RNF126: variants seen among roughly 807,000 people sequenced by gnomAD.
The protein encoded by RNF126 is E3 ubiquitin-protein ligase RNF126.
RNF126 carries 20 observed loss-of-function variants against 41.9 expected under a neutral mutation model. That is an observed-to-expected ratio of 0.48 (90% CI 0.34 to 0.69). The LOEUF is 0.69. Among genes scored for constraint, RNF126 ranks in the 30% least tolerant of loss-of-function variants. The pLI, the probability that RNF126 is intolerant of heterozygous loss-of-function variation, is 0.01. For synonymous variants in RNF126, 239 were observed against 202.9 expected, an observed-to-expected ratio of 1.18 and a Z score of -1.51; for missense variants, 433 against 460.6, an observed-to-expected ratio of 0.94 and a Z score of 0.55.
At chr19:655,564 C>A (rs2030526536) in intron 1 of RNF126, among the ~76,000 whole-genome samples, 1 of 152,048 alleles carries the variant, frequency 6.6e-6, no homozygotes, top group Admixed American at 6.6e-5. Context: ...CGCAGCCGGC[C>A]AGCCCCAGCG....
chr19:654,268 T>C (rs74737028), intron 1 of RNF126, among the ~76,000 whole-genome samples: 2,484 of 152,108 alleles, frequency 0.016, 72 homozygotes, highest in African/African-American at 0.057. Flanking sequence ...ATCTACAATA[T>C]AGAAAAAGTG....
At chr19:650,488 G>A in intron 4 of RNF126, 192 bp from the exon 5 acceptor site, 1 of 526,096 alleles carries the variant, frequency 1.9e-6, no homozygotes, top group Non-Finnish European at 3.3e-6. Flanking sequence ...CTTGATCTTG[G>A]TTCACTGCAG....
intron 6 of RNF126, 31 bp downstream of exon 6, chr19:649,648 G>T: frequency 6.5e-7 from 1 of 1,539,258 alleles, no homozygotes; most frequent in Non-Finnish European, 8.8e-7. Flanking sequence ...CCCTCCCCCA[G>T]CAGGCACTCT....
At chr19:652,790 G>C (rs1190781712) in intron 2 of RNF126, 36 bp downstream of exon 2, 1 of 1,600,750 alleles carries the variant, frequency 6.2e-7, no homozygotes, top group Admixed American at 1.7e-5. Context: ...AGGCCCGGCT[G>C]GCTCTTCCAG....
chr19:661,235 T>A (rs2144779100), intron 1 of RNF126: 1 of 152,476 alleles, frequency 6.6e-6, no homozygotes, highest in South Asian at 2.1e-4. Flanking sequence ...TAGGAGCAGC[T>A]AAATGTGCAG....
chr19:658,093 G>A (rs1438337501), intron 1 of RNF126, among the ~76,000 whole-genome samples: 2 of 151,956 alleles, frequency 1.3e-5, no homozygotes, highest in Non-Finnish European at 1.5e-5. Context: ...TCACCTCTCC[G>A]TCAGAGAACA....
In RNF126 at chr19:648,313, C is replaced by T. The variant is rs200861655; in HGVS notation, c.787-36G>A. 50 of 1,116,838 alleles carry T rather than the reference C, an allele frequency of 4.5e-5. No individual in the cohort carries two copies. In the East Asian group the frequency reaches 2.3e-3, roughly 52 times the overall value. The allele number at this position is 1,116,838 out of a possible 1,614,324, so 69.2% of individuals were successfully genotyped here. A position where few individuals can be genotyped will look rare whatever the true frequency, so the allele number is the denominator to read the frequency against. On this transcript the variant is annotated intron_variant, in intron 8 of 8. Transcript: ENST00000292363. ...ACAGAGGCAGGGACGGGAGAAGGGG[C>T]AGGTTAGAGGCGGGAGGGCCGCGGT...
chr19:654,329 G>A (rs370024198), intron 1 of RNF126, among the ~76,000 whole-genome samples: 32 of 152,292 alleles, frequency 2.1e-4, no homozygotes, highest in Middle Eastern at 3.4e-3. Context: ...TTCAGCCCAC[G>A]CCCCACGAAT....
In RNF126 at chr19:655,014, G is replaced by A. The variant is rs3077449; in HGVS notation, c.76-2130C>T. On this transcript the variant is annotated intron_variant, in intron 1 of 8. Coordinates refer to ENST00000292363, the MANE Select transcript of RNF126 (RefSeq NM_194460.3). ...AACTCAAAAGAAAGAAAGAAAGAAAGAAAAAAAAGCCCAGGCCAGGTGCAG... is the reference window on the plus strand; with the variant it reads ...AACTCAAAAGAAAGAAAGAAAGAAAAAAAAAAAAGCCCAGGCCAGGTGCAG... Among the ~76,000 whole-genome samples the A allele has an allele frequency of 9.3e-4, 122 of 130,946 alleles. 3 individuals carry two copies. In the South Asian group the frequency reaches 0.014, roughly 15 times the overall value. 85.9% of individuals were successfully genotyped at this position (130,946 alleles called of 152,430 possible). A position where few individuals can be genotyped will look rare whatever the true frequency, so the allele number is the denominator to read the frequency against.
chr19:652,156 G>C, intron 3 of RNF126, 77 bp downstream of exon 3: 1 of 1,213,826 alleles, frequency 8.2e-7, no homozygotes, highest in Non-Finnish European at 1.1e-6. Context: ...CCGGGGAGGC[G>C]AGGTGGGGAC....
At chr19:657,336 C>T (rs531552550) in intron 1 of RNF126, among the ~76,000 whole-genome samples, 5 of 152,366 alleles carry the variant, frequency 3.3e-5, no homozygotes, top group East Asian at 3.9e-4. Flanking sequence ...GTCGGGCTCC[C>T]GGGTTCCCGT....
intron 8 of RNF126, 24 bp downstream of exon 8, chr19:648,348 G>GGGGCGGGT: frequency 8.6e-6 from 5 of 581,250 alleles, no homozygotes; most frequent in South Asian, 3.1e-5. Flanking sequence ...TCGGGGTGGG[G>GGGGCGGGT]GGGCGGGTGG....
Position 648,221 on chromosome 19 carries a change from G to T in RNF126, c.843C>A (p.Asn281Lys). ...KSLTGQNTAT[N>K]PPGLTGVSFS... ...AGCTCACCCCAGTGAGGCCAGGGGG[G>T]TTCGTGGCCGTGTTCTGTCCCGTGA... Residue 281 changes from asparagine to lysine, a missense_variant, in exon 9 of 9, where the codon AAC becomes AAA. Coordinates refer to ENST00000292363, the MANE Select transcript of RNF126 (RefSeq NM_194460.3). The T allele has an allele frequency of 6.2e-7, 1 of 1,600,444 alleles. No homozygotes were observed. Among genetic ancestry groups the T allele is most frequent in the Non-Finnish European group, 8.5e-7 (1 of 1,173,750 alleles).
chr19:648,802 C>T, intron 7 of RNF126, 80 bp downstream of exon 7: 2 of 857,744 alleles, frequency 2.3e-6, no homozygotes, highest in Non-Finnish European at 3.5e-6. Flanking sequence ...AACCCTGTCT[C>T]TACTGAAAAT....
chr19:653,845 C>T (rs1035282458), intron 1 of RNF126, among the ~76,000 whole-genome samples: 2 of 152,262 alleles, frequency 1.3e-5, no homozygotes, highest in Admixed American at 1.3e-4. Flanking sequence ...CGTGTCATCA[C>T]GCCAGGGGCT....
intron 1 of RNF126, among the ~76,000 whole-genome samples, chr19:658,833 C>A (rs932656087): frequency 2.6e-5 from 4 of 152,208 alleles, no homozygotes; most frequent in Non-Finnish European, 5.9e-5. Context: ...GGACTGGAAC[C>A]CCACAGGTGC....
intron 1 of RNF126, among the ~76,000 whole-genome samples, chr19:660,144 G>A (rs748329784): frequency 6.6e-6 from 1 of 152,330 alleles, no homozygotes; most frequent in Non-Finnish European, 1.5e-5. Flanking sequence ...GTGGCTCCCC[G>A]CTCAGGACAC....
chr19:662,958 C>T (rs1295023533), intron 1 of RNF126, 89 bp downstream of exon 1: 2 of 515,646 alleles, frequency 3.9e-6, no homozygotes, highest in African/African-American at 2.0e-5. Flanking sequence ...GCGCAAGAGG[C>T]GGGCGCAAGC....
chr19:662,094 G>A (rs1229146944), intron 1 of RNF126, among the ~76,000 whole-genome samples: 3 of 152,188 alleles, frequency 2.0e-5, no homozygotes, highest in Admixed American at 6.6e-5. Flanking sequence ...TGAGCCAGAA[G>A]AATCGCTTGA....
Sources: allele counts gnomAD v4.1 joint callset (sites outside exome capture counted in the v4.1 genomes callset), GRCh38; gene constraint gnomAD v4.1.1; transcripts MANE v1.5; gene names NCBI Gene and HGNC (gene_info 2026-07-23, HGNC 2026-07-21).